The following GABBR2 variants were observed in gnomAD, a reference collection of about 807,000 sequenced individuals.
GABBR2 encodes G-protein coupled receptor 51.
A neutral mutation model predicts 105.6 loss-of-function variants in GABBR2; 23 were observed. The observed-to-expected ratio is 0.22, with a 90% CI of 0.16 to 0.31. GABBR2 has a LOEUF of 0.31. Ranked by LOEUF, GABBR2 falls within the 10% of genes least tolerant of loss-of-function variation. The pLI, the probability that GABBR2 is intolerant of heterozygous loss-of-function variation, is 1.00. For synonymous variants in GABBR2, 478 were observed against 499.7 expected (o/e 0.96, Z 0.58); for missense variants, 734 against 1,245.5 (o/e 0.59, Z 6.18).
chr9:98,413,752 T>C (rs897806650), intron 7 of GABBR2, among the ~76,000 whole-genome samples: 1 of 152,110 alleles, frequency 6.6e-6, no homozygotes, highest in Non-Finnish European at 1.5e-5. Flanking sequence ...ACAAAGCATG[T>C]GGTGGCCTAA....
At chr9:98,513,483 G>T (rs998421801) in intron 3 of GABBR2, among the ~76,000 whole-genome samples, 6 of 151,470 alleles carry the variant, frequency 4.0e-5, no homozygotes, top group African/African-American at 1.5e-4. Flanking sequence ...TACAGAATGG[G>T]AGAAAATTTT....
intron 1 of GABBR2, among the ~76,000 whole-genome samples, chr9:98,638,589 G>C (rs1367746970): frequency 6.6e-6 from 1 of 152,086 alleles, no homozygotes; most frequent in African/African-American, 2.4e-5. Context: ...TTTTGCATAG[G>C]CCTTTCCTGA....
At chr9:98,379,610 T>C (rs2131476664) in intron 11 of GABBR2, among the ~76,000 whole-genome samples, 1 of 152,370 alleles carries the variant, frequency 6.6e-6, no homozygotes, top group African/African-American at 2.4e-5. Context: ...TTTATCAGTG[T>C]CTCTCTTAAT....
chr9:98,365,125 G>T (rs1488255956), intron 12 of GABBR2, among the ~76,000 whole-genome samples: 1 of 152,204 alleles, frequency 6.6e-6, no homozygotes, highest in African/African-American at 2.4e-5. Context: ...GGAAGTAGAA[G>T]ACCTCATTCT....
At chr9:98,471,027 G>A (rs547209323) in intron 6 of GABBR2, among the ~76,000 whole-genome samples, 1 of 152,236 alleles carries the variant, frequency 6.6e-6, no homozygotes, top group South Asian at 2.1e-4. Flanking sequence ...GGGACCTAGG[G>A]GTGGCAGAAT....
At chr9:98,297,456 C>T (rs887411853) in intron 17 of GABBR2, among the ~76,000 whole-genome samples, 5 of 148,836 alleles carry the variant, frequency 3.4e-5, no homozygotes, top group Admixed American at 3.4e-4. Context: ...ACTAAAAGTA[C>T]ACAAAAATTA....
intron 1 of GABBR2, 70 bp downstream of exon 1, chr9:98,708,347 T>A: frequency 1.6e-6 from 2 of 1,278,724 alleles, no homozygotes; most frequent in South Asian, 2.5e-5. Context: ...AGGCCGGAGG[T>A]TGCCTGTGTC....
chr9:98,392,559 A>G (rs1350450129), intron 9 of GABBR2, among the ~76,000 whole-genome samples: 1 of 152,154 alleles, frequency 6.6e-6, no homozygotes, highest in East Asian at 1.9e-4. Flanking sequence ...TTGCTTTGCA[A>G]TGTTCTCAAG....
At chr9:98,639,259 C>A (rs968931053) in intron 1 of GABBR2, among the ~76,000 whole-genome samples, 5 of 152,154 alleles carry the variant, frequency 3.3e-5, no homozygotes, top group Admixed American at 1.3e-4. Flanking sequence ...AAGCAGTGTC[C>A]TCACCTGGCA....
chr9:98,604,819 G>A (rs1447111320), intron 1 of GABBR2, among the ~76,000 whole-genome samples: 4 of 152,110 alleles, frequency 2.6e-5, no homozygotes, highest in East Asian at 1.9e-4. Flanking sequence ...ACTGAGGCTC[G>A]GAGAGATTAA....
chr9:98,578,075 G>A lies in GABBR2; in HGVS notation c.322-3C>T. 1 of 1,613,508 alleles carries A rather than the reference G, an allele frequency of 6.2e-7. No individual in the cohort carries two copies. Among genetic ancestry groups the A allele is most frequent in the Non-Finnish European group, 8.5e-7 (1 of 1,179,748 alleles). On this transcript the variant is annotated splice_region_variant and splice_polypyrimidine_tract_variant and intron_variant, in intron 1 of 18. Transcript: ENST00000259455. ...TTCAACCCTTTTGCGTTGTCGCACT[G>A]GGAAGCAACACATAGAAAGAAAGGT...
intron 15 of GABBR2, among the ~76,000 whole-genome samples, chr9:98,305,250 C>G (rs1430810142): frequency 6.6e-6 from 1 of 152,130 alleles, no homozygotes; most frequent in Non-Finnish European, 1.5e-5. Flanking sequence ...ATAAATGGAA[C>G]ATATAAGTGG....
intron 1 of GABBR2, among the ~76,000 whole-genome samples, chr9:98,634,964 A>G (rs1829858608): frequency 6.6e-6 from 1 of 152,150 alleles, no homozygotes. Flanking sequence ...TGACATAAAT[A>G]TCTGCCTCTC....
At position 98,426,138 on chromosome 9, in the gene GABBR2, T is replaced by A. The variant is rs141309802; in HGVS notation, c.1237-19997A>T. On this transcript the variant is annotated intron_variant, in intron 7 of 18. Transcript: ENST00000259455. ...CCCAGGCTAAGAAGTGTAGACACTTTGTCAGCTGCAGGGGCCTCCTGCCAA... is the reference window on the plus strand; with the variant it reads ...CCCAGGCTAAGAAGTGTAGACACTTAGTCAGCTGCAGGGGCCTCCTGCCAA... Among the ~76,000 whole-genome samples the A allele has an allele frequency of 1.6e-4, 24 of 152,262 alleles. No homozygotes were observed. The East Asian group carries it at 4.4e-3, about 28-fold the overall frequency.
intron 1 of GABBR2, among the ~76,000 whole-genome samples, chr9:98,703,928 T>C (rs759778877): frequency 6.6e-5 from 10 of 152,164 alleles, no homozygotes; most frequent in Non-Finnish European, 8.8e-5. Flanking sequence ...AATTAACTTA[T>C]ACACTTTAAA....
At chr9:98,529,202 C>A (rs994764687) in intron 3 of GABBR2, among the ~76,000 whole-genome samples, 1 of 151,888 alleles carries the variant, frequency 6.6e-6, no homozygotes, top group Non-Finnish European at 1.5e-5. Flanking sequence ...AGAAGAAGAC[C>A]GTTCATGGAC....
chr9:98,370,816 G>C lies in GABBR2; in HGVS notation c.1770+648C>G, dbSNP rs561562455. Among the ~76,000 whole-genome samples, 3 of 152,150 alleles carry C rather than the reference G, an allele frequency of 2.0e-5. 1 individual carries two copies. The highest frequency in any genetic ancestry group is 1.3e-4 in the Admixed American group (2 of 15,280). ...CTCTATGACTAAGAGTCAAGGTCTGGCAACATCATATCTATACCAAACCGC... is the reference window on the plus strand; with the variant it reads ...CTCTATGACTAAGAGTCAAGGTCTGCCAACATCATATCTATACCAAACCGC... On this transcript the variant is annotated intron_variant, in intron 12 of 18. Coordinates refer to ENST00000259455, the MANE Select transcript of GABBR2 (RefSeq NM_005458.8).
At chr9:98,402,629 A>T (rs1419351150) in intron 8 of GABBR2, among the ~76,000 whole-genome samples, 1 of 152,168 alleles carries the variant, frequency 6.6e-6, no homozygotes, top group African/African-American at 2.4e-5. Context: ...GACAAGGTGC[A>T]TGAGTGAGCA....
At chr9:98,599,214 A>G (rs1047743616) in intron 1 of GABBR2, among the ~76,000 whole-genome samples, 4 of 152,316 alleles carry the variant, frequency 2.6e-5, no homozygotes, top group Admixed American at 2.0e-4. Flanking sequence ...CTGACATGGC[A>G]TGACCCTACT....
Sources: gnomAD v4.1 joint callset for allele counts (sites outside exome capture counted in the v4.1 genomes callset) on GRCh38, gnomAD v4.1.1 for gene constraint, MANE v1.5 for transcripts, NCBI Gene and HGNC (gene_info 2026-07-23, HGNC 2026-07-21) for gene names.